Variants in ATP8A2 observed in about 807,000 individuals in gnomAD.
ATP8A2 encodes ATPase phospholipid transporting 8A2, also known as phospholipid-transporting ATPase IB.
ATP8A2 carries 100 observed loss-of-function variants against 165.6 expected under a neutral mutation model. The ratio of observed to expected loss-of-function variants is 0.60; its 90% CI spans 0.51 to 0.71. The LOEUF (loss-of-function observed/expected upper bound fraction) is 0.71, where lower values mean the gene tolerates loss of function less well. Among genes scored for constraint, ATP8A2 ranks in the 30% least tolerant of loss-of-function variants. The pLI is 0.00. For synonymous variants in ATP8A2, 543 were observed against 548.8 expected (o/e 0.99, Z 0.15); for missense variants, 1,227 against 1,479.5 (o/e 0.83, Z 2.80).
At chr13:25,660,741 T>G (rs1037374953) in intron 24 of ATP8A2, among the ~76,000 whole-genome samples, 3 of 152,150 alleles carry the variant, frequency 2.0e-5, no homozygotes, top group Admixed American at 2.0e-4. Context: ...AATACCTCTT[T>G]AAGAGCAGGG....
At chr13:25,442,457 A>G (rs1257478521) in intron 1 of ATP8A2, among the ~76,000 whole-genome samples, 1 of 152,124 alleles carries the variant, frequency 6.6e-6, no homozygotes, top group African/African-American at 2.4e-5. Context: ...TCTGTCACCC[A>G]CGTTGAAGTG....
chr13:26,005,303 T>C (rs1956716703), intron 35 of ATP8A2, among the ~76,000 whole-genome samples: 1 of 152,068 alleles, frequency 6.6e-6, no homozygotes, highest in Admixed American at 6.5e-5. Context: ...TGTCTCAACT[T>C]TCAATTCTCA....
At chr13:25,797,902 C>CA (rs1950529554) in intron 27 of ATP8A2, among the ~76,000 whole-genome samples, 1 of 151,892 alleles carries the variant, frequency 6.6e-6, no homozygotes, top group Admixed American at 6.6e-5. Flanking sequence ...CAGTTGATTC[C>CA]GTTTGGACTG....
chr13:25,579,693 A>G (rs774035587), intron 21 of ATP8A2, 115 bp from the exon 22 acceptor site: 10 of 1,189,990 alleles, frequency 8.4e-6, no homozygotes, highest in Non-Finnish European at 1.2e-5. Flanking sequence ...AGAGTGACCT[A>G]AAGCACAGAG....
In ATP8A2 at chr13:26,021,259, C is replaced by G. The variant is rs998338066; in HGVS notation, c.*1274C>G. ...GGACACAGAGGAATCGCCACCAGATCTTTGCAGTAGAAACTCTGAAATAGG... is the reference window on the plus strand; with the variant it reads ...GGACACAGAGGAATCGCCACCAGATGTTTGCAGTAGAAACTCTGAAATAGG... On this transcript the variant is annotated 3_prime_UTR_variant, in exon 37 of 37. Coordinates refer to ENST00000381655, the MANE Select transcript of ATP8A2 (RefSeq NM_016529.6). 1.3e-5 allele frequency: 2 copies of G among 152,306 alleles called. No homozygotes were observed. The highest frequency in any genetic ancestry group is 2.4e-5 in the African/African-American group (1 of 41,446). The allele number at this position is 152,306 out of a possible 1,614,324, so 9.4% of individuals were successfully genotyped here. A position where few individuals can be genotyped will look rare whatever the true frequency, so the allele number is the denominator to read the frequency against.
chr13:25,444,199 T>C (rs868552603), intron 1 of ATP8A2, among the ~76,000 whole-genome samples: 3 of 152,220 alleles, frequency 2.0e-5, no homozygotes, highest in Non-Finnish European at 2.9e-5. Flanking sequence ...ATGCACTTTT[T>C]TGGTCTGACT....
chr13:25,796,384 G>A (rs1254238030), intron 27 of ATP8A2, among the ~76,000 whole-genome samples: 1 of 152,170 alleles, frequency 6.6e-6, no homozygotes, highest in Non-Finnish European at 1.5e-5. Flanking sequence ...TCAATAAGAA[G>A]GCAGGTGTGT....
At chr13:25,831,415 G>C (rs1439065734) in intron 28 of ATP8A2, among the ~76,000 whole-genome samples, 2 of 151,886 alleles carry the variant, frequency 1.3e-5, no homozygotes, top group Non-Finnish European at 2.9e-5. Flanking sequence ...AGGTTTCACT[G>C]TGTTAGCCAG....
intron 1 of ATP8A2, among the ~76,000 whole-genome samples, chr13:25,445,524 C>T (rs1326610951): frequency 2.0e-5 from 3 of 152,170 alleles, no homozygotes; most frequent in Non-Finnish European, 1.5e-5. Context: ...TTATTGACTG[C>T]ATTCAGGAAT....
At chr13:25,515,495 C>T (rs1032108790) in intron 2 of ATP8A2, among the ~76,000 whole-genome samples, 4 of 152,260 alleles carry the variant, frequency 2.6e-5, no homozygotes, top group African/African-American at 9.6e-5. Context: ...GGGCTTCTCT[C>T]TCCCTGCAGC....
chr13:25,975,131 C>T (rs1956003461), intron 35 of ATP8A2, among the ~76,000 whole-genome samples: 1 of 152,156 alleles, frequency 6.6e-6, no homozygotes, highest in South Asian at 2.1e-4. Context: ...GTCCCAAGCA[C>T]TGGGCCACAC....
chr13:25,558,948 A>C, intron 13 of ATP8A2, 25 bp from the exon 14 acceptor site: 1 of 1,472,738 alleles, frequency 6.8e-7, no homozygotes, highest in Non-Finnish European at 9.4e-7. Flanking sequence ...TTCCTGATGT[A>C]TATTTCTTTT....
chr13:25,646,437 C>T (rs1455725811), intron 24 of ATP8A2, among the ~76,000 whole-genome samples: 3 of 151,820 alleles, frequency 2.0e-5, no homozygotes, highest in African/African-American at 4.8e-5. Flanking sequence ...GATCACGAGG[C>T]GAGGTCAGGA....
chr13:25,889,583 G>C (rs950689647), intron 33 of ATP8A2, among the ~76,000 whole-genome samples: 2 of 151,592 alleles, frequency 1.3e-5, no homozygotes, highest in Non-Finnish European at 2.9e-5. Context: ...TTTCCTGTTA[G>C]ATGTCAGTAT....
chr13:25,783,184 C>A (rs2044930637), intron 27 of ATP8A2, among the ~76,000 whole-genome samples: 1 of 152,092 alleles, frequency 6.6e-6, no homozygotes, highest in Admixed American at 6.6e-5. Flanking sequence ...TGGCTGTGTG[C>A]ACAAAGACCT....
At chr13:25,895,984 G>A (rs949430158) in intron 33 of ATP8A2, among the ~76,000 whole-genome samples, 26 of 152,088 alleles carry the variant, frequency 1.7e-4, no homozygotes, top group Non-Finnish European at 3.7e-4. Flanking sequence ...CAAAAAACCA[G>A]CTCCTGGATT....
chr13:25,947,649 G>T (rs904816581), intron 33 of ATP8A2, among the ~76,000 whole-genome samples: 1 of 152,200 alleles, frequency 6.6e-6, no homozygotes, highest in Non-Finnish European at 1.5e-5. Flanking sequence ...GATGGAGGCA[G>T]CTTCACTCCT....
chr13:25,992,471 A>G lies in ATP8A2; in HGVS notation c.3378-20060A>G, dbSNP rs565670213. The stretch of plus-strand genomic sequence containing the variant: ...TCTAGATGTTAGTTCTTTGTGAGAC[A>G]TGTGGCTTACAAATATTTTCTCCCA... On this transcript the variant is annotated intron_variant, in intron 35 of 36. Transcript: ENST00000381655. Among the ~76,000 whole-genome samples the G allele has an allele frequency of 6.5e-4, 99 of 152,228 alleles. No individual in the cohort carries two copies. The South Asian group carries it at 0.02, about 31-fold the overall frequency.
chr13:25,732,296 C>T (rs9507557), intron 25 of ATP8A2, among the ~76,000 whole-genome samples: 61,965 of 152,020 alleles, frequency 0.41, 13,052 homozygotes, highest in Middle Eastern at 0.47. Context: ...TACCAGAATT[C>T]GGAATATGGG....
Sources: allele counts gnomAD v4.1 joint callset (sites outside exome capture counted in the v4.1 genomes callset), GRCh38; gene constraint gnomAD v4.1.1; transcripts MANE v1.5; gene names NCBI Gene and HGNC (gene_info 2026-07-23, HGNC 2026-07-21).